RABGAP1L: variants seen among roughly 807,000 people sequenced by gnomAD.
RABGAP1L encodes the protein rab GTPase-activating protein 1-like.
Under a neutral mutation model 137.7 loss-of-function variants are expected in RABGAP1L, and 63 were observed. The ratio of observed to expected loss-of-function variants is 0.46; its 90% CI spans 0.37 to 0.56. The LOEUF (loss-of-function observed/expected upper bound fraction) is 0.56, where lower values mean the gene tolerates loss of function less well. Ranked by LOEUF, RABGAP1L falls within the 20% of genes least tolerant of loss-of-function variation. The pLI, the probability that RABGAP1L is intolerant of heterozygous loss-of-function variation, is 0.00. For missense variants in RABGAP1L, 1,095 were observed against 1,244.0 expected, an observed-to-expected ratio of 0.88 and a Z score of 1.80; for synonymous variants, 431 against 433.7, an observed-to-expected ratio of 0.99 and a Z score of 0.08.
intron 11 of RABGAP1L, among the ~76,000 whole-genome samples, chr1:174,327,154 G>T (rs1382681023): frequency 6.6e-6 from 1 of 152,090 alleles, no homozygotes; most frequent in Non-Finnish European, 1.5e-5. Context: ...TAAGTGTCCA[G>T]GCAAATTCAA....
At chr1:174,971,867 T>C (rs577276593) in intron 21 of RABGAP1L, among the ~76,000 whole-genome samples, 1 of 152,294 alleles carries the variant, frequency 6.6e-6, no homozygotes, top group South Asian at 2.1e-4. Flanking sequence ...TAAACAAATA[T>C]AAAAGTAGAT....
chr1:174,327,984 C>CATATATATATATATAT (rs1314813386), intron 11 of RABGAP1L, among the ~76,000 whole-genome samples: 1 of 37,876 alleles, frequency 2.6e-5, no homozygotes, highest in African/African-American at 1.1e-4. Context: ...TATATACACA[C>CATATATATATATATAT]ACATATATAT....
intron 1 of RABGAP1L, among the ~76,000 whole-genome samples, chr1:174,204,375 T>G (rs1173581091): frequency 2.0e-5 from 3 of 152,204 alleles, no homozygotes; most frequent in Admixed American, 2.0e-4. Context: ...TAGTTTGACT[T>G]CTACTCTTTC....
intron 23 of RABGAP1L, among the ~76,000 whole-genome samples, chr1:174,979,414 T>C (rs1670912193): frequency 6.6e-6 from 1 of 152,194 alleles, no homozygotes; most frequent in African/African-American, 2.4e-5. Flanking sequence ...AATCTATTGG[T>C]TGTTTACAGT....
At chr1:174,423,976 C>T (rs1651658486) in intron 13 of RABGAP1L, among the ~76,000 whole-genome samples, 3 of 152,022 alleles carry the variant, frequency 2.0e-5, no homozygotes, top group South Asian at 4.1e-4. Context: ...AAGTTAGCCC[C>T]CTTGTTTCTA....
At chr1:174,290,095 T>G (rs561191836) in intron 10 of RABGAP1L, among the ~76,000 whole-genome samples, 12 of 152,254 alleles carry the variant, frequency 7.9e-5, no homozygotes, top group African/African-American at 2.9e-4. Context: ...TGGGCTGGAT[T>G]GCTGACTGGG....
At chr1:174,648,518 G>A (rs1675181350) in intron 14 of RABGAP1L, among the ~76,000 whole-genome samples, 2 of 152,142 alleles carry the variant, frequency 1.3e-5, no homozygotes, top group African/African-American at 2.4e-5. Flanking sequence ...GCAATTTTGA[G>A]TGAGTTTCTT....
At chr1:174,921,414 C>G (rs1040094462) in intron 19 of RABGAP1L, among the ~76,000 whole-genome samples, 6 of 152,118 alleles carry the variant, frequency 3.9e-5, no homozygotes, top group African/African-American at 1.4e-4. Context: ...TTTTTATAGA[C>G]CTACAAACTT....
chr1:174,645,127 A>G (rs1388760110), intron 14 of RABGAP1L, among the ~76,000 whole-genome samples: 2 of 152,160 alleles, frequency 1.3e-5, no homozygotes, highest in Non-Finnish European at 2.9e-5. Context: ...GCTTCACTGT[A>G]GTAACCATTT....
At chr1:174,463,663 A>T (rs542187361) in intron 13 of RABGAP1L, among the ~76,000 whole-genome samples, 240 of 152,270 alleles carry the variant, frequency 1.6e-3, no homozygotes, top group African/African-American at 5.4e-3. Context: ...AAGTATAATA[A>T]TAATAAAATA....
chr1:174,618,992 T>C (rs1672179526), intron 13 of RABGAP1L, among the ~76,000 whole-genome samples: 1 of 152,186 alleles, frequency 6.6e-6, no homozygotes, highest in Non-Finnish European at 1.5e-5. Context: ...ACGTGACGAA[T>C]GCACAAGCCT....
chr1:174,228,637 T>C (rs1227290116), intron 3 of RABGAP1L, among the ~76,000 whole-genome samples: 1 of 152,200 alleles, frequency 6.6e-6, no homozygotes, highest in Non-Finnish European at 1.5e-5. Flanking sequence ...AAGAACATGG[T>C]AGATGAAGTA....
intron 13 of RABGAP1L, among the ~76,000 whole-genome samples, chr1:174,541,432 A>G (rs1665415848): frequency 6.6e-6 from 1 of 152,106 alleles, no homozygotes; most frequent in East Asian, 1.9e-4. Context: ...TGGGTTTGTC[A>G]TAAATAGCTC....
intron 11 of RABGAP1L, among the ~76,000 whole-genome samples, chr1:174,313,291 A>C (rs1679040045): frequency 6.6e-6 from 1 of 152,216 alleles, no homozygotes; most frequent in Non-Finnish European, 1.5e-5. Flanking sequence ...TGTAAATGCT[A>C]CCAATTTTTG....
chr1:174,186,598 A>G (rs562262643), intron 1 of RABGAP1L, among the ~76,000 whole-genome samples: 1 of 152,222 alleles, frequency 6.6e-6, no homozygotes, highest in Admixed American at 6.5e-5. Context: ...CTGATTTCCC[A>G]GTTTGTTATT....
chr1:174,520,093 T>G (rs1663233706), intron 13 of RABGAP1L, among the ~76,000 whole-genome samples: 1 of 152,230 alleles, frequency 6.6e-6, no homozygotes, highest in Non-Finnish European at 1.5e-5. Context: ...TGGCAGATTT[T>G]ACTATTTATA....
intron 20 of RABGAP1L, among the ~76,000 whole-genome samples, chr1:174,968,509 T>C (rs973126683): frequency 6.6e-6 from 1 of 151,744 alleles, no homozygotes; most frequent in African/African-American, 2.4e-5. Flanking sequence ...GGTTTTTTTT[T>C]TTTCTTTCTT....
rs187332027 is a variant in RABGAP1L at position 174,163,897 on chromosome 1, T to G, written c.-34+4240T>G. On this transcript the variant is annotated intron_variant, in intron 1 of 25. Coordinates refer to ENST00000681986, the MANE Select transcript of RABGAP1L (RefSeq NM_001366446.1). ...GCATCCCTAGTCCATGGTAAAAGCT[T>G]AGTTCCAGTAGGTGATTCTTAGTAA... Among the ~76,000 whole-genome samples the G allele has an allele frequency of 2.0e-3, 298 of 152,266 alleles. 1 individual carries two copies. The highest frequency in any genetic ancestry group is 6.8e-3 in the African/African-American group (282 of 41,558).
intron 11 of RABGAP1L, among the ~76,000 whole-genome samples, chr1:174,360,479 G>A (rs890182969): frequency 1.3e-5 from 2 of 152,068 alleles, no homozygotes; most frequent in African/African-American, 4.8e-5. Context: ...ATGAAAATAA[G>A]AATGATAATG....
Sources: allele counts gnomAD v4.1 joint callset (sites outside exome capture counted in the v4.1 genomes callset), GRCh38; gene constraint gnomAD v4.1.1; transcripts MANE v1.5; gene names NCBI Gene and HGNC (gene_info 2026-07-23, HGNC 2026-07-21).